Variants in TTC27 observed in about 807,000 individuals in gnomAD.
The protein encoded by TTC27 is tetratricopeptide repeat domain 27.
TTC27 carries 79 observed loss-of-function variants against 115.9 expected under a neutral mutation model. The observed-to-expected ratio is 0.68, with a 90% CI of 0.57 to 0.82. The LOEUF (loss-of-function observed/expected upper bound fraction) is 0.82. Among genes scored for constraint, TTC27 ranks in the 40% least tolerant of loss-of-function variants. The pLI, the probability that TTC27 is intolerant of heterozygous loss-of-function variation, is 0.00. For synonymous variants in TTC27, 401 were observed against 356.0 expected, an observed-to-expected ratio of 1.13 and a Z score of -1.42; for missense variants, 1,054 against 993.1, an observed-to-expected ratio of 1.06 and a Z score of -0.82.
intron 13 of TTC27, among the ~76,000 whole-genome samples, chr2:32,765,394 T>C (rs1669591731): frequency 6.7e-6 from 1 of 149,680 alleles, no homozygotes; most frequent in Non-Finnish European, 1.5e-5. Context: ...GTCTCCACAA[T>C]GGCCTTGAAA....
At chr2:32,651,577 C>G (rs1665128212) in intron 5 of TTC27, among the ~76,000 whole-genome samples, 1 of 152,150 alleles carries the variant, frequency 6.6e-6, no homozygotes, top group African/African-American at 2.4e-5. Context: ...AACTCCCGAC[C>G]TCAGGTATCA....
At chr2:32,648,654 T>A (rs1012506790) in intron 4 of TTC27, among the ~76,000 whole-genome samples, 1 of 151,972 alleles carries the variant, frequency 6.6e-6, no homozygotes, top group Non-Finnish European at 1.5e-5. Context: ...AGAAAAAGCA[T>A]CAGCGAATAA....
At chr2:32,629,284 G>GTT (rs1294051630) in intron 1 of TTC27, among the ~76,000 whole-genome samples, 7 of 151,398 alleles carry the variant, frequency 4.6e-5, no homozygotes, top group African/African-American at 1.7e-4. Context: ...ACCATGCCCG[G>GTT]CTAATTTTGT....
At chr2:32,802,462 G>A (rs1055575966) in intron 16 of TTC27, among the ~76,000 whole-genome samples, 5 of 151,978 alleles carry the variant, frequency 3.3e-5, no homozygotes, top group East Asian at 1.9e-4. Context: ...TAGTCAATCC[G>A]TCAAGACAGG....
chr2:32,801,598 A>G (rs1285808410), intron 16 of TTC27, among the ~76,000 whole-genome samples: 1 of 152,214 alleles, frequency 6.6e-6, no homozygotes, highest in Non-Finnish European at 1.5e-5. Flanking sequence ...GGGGAATGTT[A>G]TTCAGCGCAC....
chr2:32,794,207 A>G (rs115791248), intron 16 of TTC27, among the ~76,000 whole-genome samples: 19 of 152,354 alleles, frequency 1.2e-4, no homozygotes, highest in Non-Finnish European at 1.9e-4. Context: ...TAGATCGCAA[A>G]TTAAGTCTCA....
chr2:32,657,345 CTG>C (rs1186623442), intron 5 of TTC27, among the ~76,000 whole-genome samples: 1 of 149,216 alleles, frequency 6.7e-6, no homozygotes, highest in Non-Finnish European at 1.5e-5. Context: ...TAGAAAAACA[CTG>C]TCTTTCTTTT....
At chr2:32,814,416 G>C (rs1671422272) in intron 18 of TTC27, among the ~76,000 whole-genome samples, 1 of 152,170 alleles carries the variant, frequency 6.6e-6, no homozygotes, top group Admixed American at 6.5e-5. Flanking sequence ...TGGATGCCCA[G>C]CTTTCGTTTC....
intron 10 of TTC27, among the ~76,000 whole-genome samples, chr2:32,712,083 A>G (rs1250455575): frequency 2.6e-5 from 4 of 152,216 alleles, no homozygotes; most frequent in Non-Finnish European, 5.9e-5. Flanking sequence ...CTAGTTAGTG[A>G]CAGTCTGGAC....
intron 9 of TTC27, among the ~76,000 whole-genome samples, chr2:32,691,993 G>A (rs936698867): frequency 7.0e-6 from 1 of 142,042 alleles, no homozygotes; most frequent in Non-Finnish European, 1.5e-5. Context: ...TTTCAGCAGT[G>A]TGCTAATTCT....
chr2:32,641,579 A>G (rs1322322976), intron 4 of TTC27, among the ~76,000 whole-genome samples: 2 of 152,250 alleles, frequency 1.3e-5, no homozygotes, highest in African/African-American at 2.4e-5. Flanking sequence ...GATTGTTGCA[A>G]CCTGGTGTGC....
intron 12 of TTC27, among the ~76,000 whole-genome samples, chr2:32,744,890 A>G (rs1290904905): frequency 6.6e-6 from 1 of 151,988 alleles, no homozygotes; most frequent in Non-Finnish European, 1.5e-5. Flanking sequence ...TCTACTAAAA[A>G]TACAAAACTT....
intron 5 of TTC27, among the ~76,000 whole-genome samples, chr2:32,662,296 G>A (rs1400997088): frequency 6.6e-6 from 1 of 152,226 alleles, no homozygotes; most frequent in Non-Finnish European, 1.5e-5. Flanking sequence ...ATGAGTTAGG[G>A]AGGAGTCCCT....
intron 5 of TTC27, among the ~76,000 whole-genome samples, chr2:32,650,518 T>C (rs900722993): frequency 3.3e-5 from 5 of 151,986 alleles, no homozygotes; most frequent in Non-Finnish European, 5.9e-5. Context: ...TTATCTCAAA[T>C]TGTTTAAAGA....
chr2:32,696,440 C>T (rs1666992805), intron 9 of TTC27, among the ~76,000 whole-genome samples: 1 of 151,812 alleles, frequency 6.6e-6, no homozygotes, highest in South Asian at 2.1e-4. Context: ...CAGGTGCCCA[C>T]CATCACGCCC....
At chr2:32,730,063 A>G (rs554809762) in intron 10 of TTC27, among the ~76,000 whole-genome samples, 1 of 152,288 alleles carries the variant, frequency 6.6e-6, no homozygotes, top group South Asian at 2.1e-4. Context: ...GCACATAAAT[A>G]CCTCAATAGT....
In TTC27 at chr2:32,745,346, A is replaced by C. The variant is rs1359393488; in HGVS notation, c.1452+8530A>C. ...AGACATGATGGCCACAGGAAGCCCA[A>C]GTTTAGTAATCTCAGTGGAAAAATA... On this transcript the variant is annotated intron_variant, in intron 12 of 19. Transcript: ENST00000317907. Among the ~76,000 whole-genome samples the C allele has an allele frequency of 2.0e-5, 3 of 152,146 alleles. No homozygotes were observed. In the East Asian group the frequency reaches 5.8e-4, roughly 29 times the overall value.
intron 15 of TTC27, among the ~76,000 whole-genome samples, chr2:32,783,249 C>T (rs773210517): frequency 4.6e-5 from 7 of 151,990 alleles, no homozygotes; most frequent in African/African-American, 7.2e-5. Context: ...TTGTGAGGAT[C>T]AAAGAAGAGA....
Position 32,811,122 on chromosome 2 carries a change from CAGAGTGACTTCA to C in TTC27, c.2106_2117del (p.Ser703_Thr706del). Reference sequence around the variant, plus strand: ...AAGGAAAGCTGCAGGAGTTATTTGGCAGAGTGACTTCAAGAGTGACAAATGATGGAGAAATCT... The same window carrying C: ...AAGGAAAGCTGCAGGAGTTATTTGGCAGAGTGACAAATGATGGAGAAATCT... On this transcript the variant is annotated inframe_deletion, in exon 17 of 20. Coordinates refer to ENST00000317907, the MANE Select transcript of TTC27 (RefSeq NM_017735.5). The C allele has an allele frequency of 1.2e-6, 2 of 1,614,152 alleles. No homozygotes were observed. Among genetic ancestry groups the C allele is most frequent in the Non-Finnish European group, 1.7e-6 (2 of 1,180,034 alleles).
Sources: allele counts gnomAD v4.1 joint callset (sites outside exome capture counted in the v4.1 genomes callset), GRCh38; gene constraint gnomAD v4.1.1; transcripts MANE v1.5; gene names NCBI Gene and HGNC (gene_info 2026-07-23, HGNC 2026-07-21).